The following CYREN variants were observed in gnomAD, a reference collection of about 807,000 sequenced individuals.
CYREN encodes the protein cell cycle regulator of non-homologous end joining.
A neutral mutation model predicts 9.7 loss-of-function variants in CYREN; 7 were observed. The ratio of observed to expected loss-of-function variants is 0.72; its 90% CI spans 0.41 to 1.36. The LOEUF (loss-of-function observed/expected upper bound fraction) is 1.36, where lower values mean the gene tolerates loss of function less well. CYREN is among the 40% of genes most tolerant of loss of function. The pLI is 0.01. For synonymous variants in CYREN, 76 were observed against 77.9 expected (o/e 0.98, Z 0.13); for missense variants, 215 against 198.1 (o/e 1.09, Z -0.51).
intron 2 of CYREN, among the ~76,000 whole-genome samples, chr7:135,103,880 A>T (rs1824238900): frequency 6.6e-6 from 1 of 150,606 alleles, no homozygotes; most frequent in Admixed American, 6.6e-5. Flanking sequence ...CAACTGCTTT[A>T]TTTTTTTTTA....
chr7:135,144,579 C>G (rs917987240), intron 2 of CYREN, among the ~76,000 whole-genome samples: 1 of 151,878 alleles, frequency 6.6e-6, no homozygotes, highest in Non-Finnish European at 1.5e-5. Context: ...TAAGAAATAA[C>G]CCTCTTGGAG....
intron 2 of CYREN, among the ~76,000 whole-genome samples, chr7:135,112,896 G>A (rs1825837041): frequency 1.3e-5 from 2 of 152,292 alleles, no homozygotes; most frequent in African/African-American, 4.8e-5. Flanking sequence ...CTCTGCCTCA[G>A]CCTCCTGAGT....
chr7:135,135,169 A>G, intron 2 of CYREN: 1 of 1,550,968 alleles, frequency 6.4e-7, no homozygotes, highest in Non-Finnish European at 8.7e-7. Flanking sequence ...CTCTAAGCAT[A>G]CAGCCCTCCA....
intron 2 of CYREN, among the ~76,000 whole-genome samples, chr7:135,150,558 G>C (rs1248504260): frequency 6.6e-6 from 1 of 152,130 alleles, no homozygotes; most frequent in Non-Finnish European, 1.5e-5. Context: ...CGAAGTGGGT[G>C]GCAAATTGCC....
intron 2 of CYREN, among the ~76,000 whole-genome samples, chr7:135,160,549 C>G (rs1179712759): frequency 6.6e-6 from 1 of 152,144 alleles, no homozygotes; most frequent in East Asian, 1.9e-4. Flanking sequence ...TCTCCATACA[C>G]AAGTTCCTGA....
chr7:135,168,839 TG>T lies in CYREN; in HGVS notation c.83del (p.Pro28GlnfsTer2). ...TTCTCATCCTCTTGGGGGCCTTCAT[TG>T]GTGCCACATTCTTTGTAGCCACCTG... ...TAQVATKNVA[P>X]MKAPKRMRMA... On this transcript the variant is annotated frameshift_variant, in exon 2 of 4. Coordinates refer to ENST00000393114, the MANE Select transcript of CYREN (RefSeq NM_024033.4). LOFTEE classifies it high-confidence loss of function. 2 of 1,614,122 alleles carry T rather than the reference TG, an allele frequency of 1.2e-6. No individual in the cohort carries two copies. The highest frequency in any genetic ancestry group is 2.2e-5 in the South Asian group (2 of 91,082).
chr7:135,140,828 C>T (rs1829439336), intron 2 of CYREN, among the ~76,000 whole-genome samples: 1 of 151,912 alleles, frequency 6.6e-6, no homozygotes, highest in African/African-American at 2.4e-5. Flanking sequence ...TCAATAGATG[C>T]AGGAAAGATT....
At chr7:135,114,181 G>A (rs1826008488) in intron 2 of CYREN, among the ~76,000 whole-genome samples, 1 of 152,136 alleles carries the variant, frequency 6.6e-6, no homozygotes, top group Non-Finnish European at 1.5e-5. Context: ...GTCTCTTTGG[G>A]ACCCTGCTTT....
upstream of CYREN, among the ~76,000 whole-genome samples, chr7:135,172,016 C>A (rs538820137): frequency 3.8e-4 from 58 of 152,354 alleles, no homozygotes; most frequent in African/African-American, 1.3e-3. Context: ...TGAGTGGAAG[C>A]ATGGCCTGAT....
chr7:135,142,505 A>G (rs1829471661), intron 2 of CYREN, among the ~76,000 whole-genome samples: 1 of 152,132 alleles, frequency 6.6e-6, no homozygotes, highest in African/African-American at 2.4e-5. Context: ...TGGTGCCTCT[A>G]ATTCCTGTGT....
intron 2 of CYREN, chr7:135,129,198 C>CA (rs1399494194): frequency 7.0e-7 from 1 of 1,427,264 alleles, no homozygotes; most frequent in East Asian, 2.3e-5. Context: ...GTACTGCCCC[C>CA]ACGCATGCTG....
intron 2 of CYREN, among the ~76,000 whole-genome samples, chr7:135,099,329 A>G (rs1823409033): frequency 6.6e-6 from 1 of 152,156 alleles, no homozygotes; most frequent in Non-Finnish European, 1.5e-5. Flanking sequence ...GAAACAGTTT[A>G]ATTTAAAGGC....
intron 2 of CYREN, among the ~76,000 whole-genome samples, chr7:135,108,156 G>GT (rs1332692030): frequency 1.3e-5 from 2 of 152,010 alleles, no homozygotes; most frequent in African/African-American, 2.4e-5. Flanking sequence ...AGATTTTGCT[G>GT]TTTTTTTCCA....
chr7:135,168,291 A>ACCACCCCCCCCCCCCCCCCCCCC (rs1554392990), intron 2 of CYREN: 1 of 6,354 alleles, frequency 1.6e-4, no homozygotes, highest in Non-Finnish European at 3.4e-4. Context: ...GAGACTCACC[A>ACCACCCCCCCCCCCCCCCCCCCC]CCCCCCCCCC....
At chr7:135,094,440 A>C in exon 3 of CYREN, 1 of 456,676 alleles carries the variant, frequency 2.2e-6, no homozygotes, top group Non-Finnish European at 4.4e-6. Context: ...ATTTTAACAA[A>C]TTGCCAGAGG....
At chr7:135,167,593 G>A in intron 3 of CYREN, 139 bp downstream of exon 3, 1 of 1,473,196 alleles carries the variant, frequency 6.8e-7, no homozygotes, top group Admixed American at 2.6e-5. Flanking sequence ...GCATGGCCGA[G>A]ATAAGAGCAA....
upstream of CYREN, among the ~76,000 whole-genome samples, chr7:135,171,827 G>A (rs970642944): frequency 4.6e-5 from 7 of 152,174 alleles, no homozygotes; most frequent in African/African-American, 1.7e-4. Context: ...CCTGACTGAC[G>A]CAATCCAAAG....
chr7:135,161,088 G>A (rs148090892), downstream of CYREN, among the ~76,000 whole-genome samples: 490 of 152,310 alleles, frequency 3.2e-3, 3 homozygotes, highest in Admixed American at 7.8e-3. This position sits in a 1 kb window ranked among gnomAD's most constrained non-coding sequence, Gnocchi z 4.1. Context: ...ATGATGGCGA[G>A]CCTCATAAGA....
At chr7:135,105,322 G>A (rs1345300066) in intron 2 of CYREN, among the ~76,000 whole-genome samples, 4 of 122,330 alleles carry the variant, frequency 3.3e-5, no homozygotes, top group East Asian at 9.0e-4. Context: ...CGCCTGCCTC[G>A]GTCTCCCAAA....
Sources: gnomAD v4.1 joint callset for allele counts (sites outside exome capture counted in the v4.1 genomes callset) on GRCh38, gnomAD v4.1.1 for gene constraint, Gnocchi (gnomAD v3.1) non-coding constraint, MANE v1.5 for transcripts, NCBI Gene and HGNC (gene_info 2026-07-23, HGNC 2026-07-21) for gene names.